The following FN1 variants were observed in gnomAD, a reference collection of about 807,000 sequenced individuals.
FN1 encodes the protein fibronectin.
FN1 carries 106 observed loss-of-function variants against 297.3 expected under a neutral mutation model. The ratio of observed to expected loss-of-function variants is 0.36; its 90% CI spans 0.30 to 0.42. The LOEUF is 0.42. Among genes scored for constraint, FN1 ranks in the 10% least tolerant of loss-of-function variants. The pLI is 1.00. For missense variants in FN1, 2,690 were observed against 3,124.9 expected (o/e 0.86, Z 3.32); for synonymous variants, 1,149 against 1,152.6 (o/e 1.00, Z 0.06).
chr2:215,395,976 C>T (rs868552269), intron 23 of FN1, among the ~76,000 whole-genome samples: 3 of 152,114 alleles, frequency 2.0e-5, no homozygotes, highest in Admixed American at 6.6e-5. Flanking sequence ...ACAATGTTTC[C>T]GCAGATAATG....
At chr2:215,370,668 T>G (rs1259231447) in intron 40 of FN1, 3 of 515,016 alleles carry the variant, frequency 5.8e-6, no homozygotes, top group Non-Finnish European at 1.0e-5. Flanking sequence ...TCTACCTACG[T>G]GCTCCGTAGT....
Position 215,372,033 on chromosome 2 carries a change from T to C in FN1, c.6590A>G (p.Asn2197Ser). 1.2e-6 allele frequency: 2 copies of C among 1,614,200 alleles called. No homozygotes were observed. ...TTCTTGTCCTGTAGAGGCATTTGGA[T>C]TGAGTCCCGGACCGTGTGGGTACAG... ...YHLYPHGPGLNPNASTGQEAL... is the reference protein window; with the variant it reads ...YHLYPHGPGLSPNASTGQEAL... Residue 2197 changes from asparagine (N) to serine (S), a missense_variant, in exon 40 of 46, where the codon AAT becomes AGT. Around this residue, in one of 3 missense-constraint regions of FN1, gnomAD observed 1,743 missense variants for 1,945.2 expected, o/e 0.90. Coordinates refer to ENST00000354785, the MANE Select transcript of FN1 (RefSeq NM_212482.4).
At chr2:215,424,479 G>A (rs1363601744) in intron 7 of FN1, among the ~76,000 whole-genome samples, 154 bp from the exon 8 acceptor site, 1 of 152,176 alleles carries the variant, frequency 6.6e-6, no homozygotes, top group African/African-American at 2.4e-5. Context: ...CAGTCAAAAT[G>A]CATTACTCAG....
chr2:215,367,791 C>T (rs1250196012), intron 42 of FN1, 72 bp downstream of exon 42: 2 of 1,484,012 alleles, frequency 1.3e-6, no homozygotes, highest in African/African-American at 2.8e-5. Flanking sequence ...AACATGCTTC[C>T]TTGGCACATG....
intron 31 of FN1, 38 bp downstream of exon 31, chr2:215,383,290 G>A (rs768970718): frequency 1.9e-6 from 3 of 1,609,434 alleles, no homozygotes; most frequent in African/African-American, 1.3e-5. Context: ...TTATAGGAGT[G>A]AGCCACCGCA....
At chr2:215,430,578 G>T in intron 5 of FN1, 137 bp downstream of exon 5, 1 of 973,864 alleles carries the variant, frequency 1.0e-6, no homozygotes, top group Non-Finnish European at 1.6e-6. Flanking sequence ...GGTTATGAAA[G>T]TTTTCTTGAC....
At chr2:215,391,507 T>C (rs1480277826) in intron 26 of FN1, 125 bp downstream of exon 26, 2 of 791,454 alleles carry the variant, frequency 2.5e-6, no homozygotes, top group Non-Finnish European at 4.5e-6. Context: ...GTGCATTGAA[T>C]TCAGAGTTTA....
intron 13 of FN1, among the ~76,000 whole-genome samples, chr2:215,414,155 C>T (rs897161242): frequency 4.9e-4 from 74 of 152,274 alleles, no homozygotes; most frequent in African/African-American, 1.5e-3. Context: ...AAATTATGAG[C>T]CATGAACTTT....
At chr2:215,412,977 T>A (rs1489267357) in intron 13 of FN1, among the ~76,000 whole-genome samples, 2 of 152,164 alleles carry the variant, frequency 1.3e-5, no homozygotes, top group Non-Finnish European at 2.9e-5. Flanking sequence ...TACATTCTTT[T>A]CAATGAGTCT....
Position 215,414,817 on chromosome 2 carries a change from T to C in FN1, c.1941+20A>G, listed in dbSNP as rs759727779. On this transcript the variant is annotated intron_variant, in intron 13 of 45. Transcript: ENST00000354785. ...AGATTAGGAGACTCAGTATCCAAGGTTTCTGGGTGGGATACTCACAGGTCT... is the reference window on the plus strand; with the variant it reads ...AGATTAGGAGACTCAGTATCCAAGGCTTCTGGGTGGGATACTCACAGGTCT... The C allele has an allele frequency of 6.2e-7, 1 of 1,613,702 alleles. No individual in the cohort carries two copies. Among genetic ancestry groups the C allele is most frequent in the Admixed American group, 1.7e-5 (1 of 59,996 alleles).
At chr2:215,383,516 C>A (rs1362001046) in intron 30 of FN1, 33 bp from the exon 31 acceptor site, 1 of 1,612,900 alleles carries the variant, frequency 6.2e-7, no homozygotes, top group Admixed American at 1.7e-5. Context: ...ACCAGTGAAG[C>A]CCCAGTCCTT....
At position 215,384,035 on chromosome 2, in the gene FN1, T is replaced by C. The variant is rs370180533; in HGVS notation, c.4879A>G (p.Ile1627Val). The change falls in exon 30 of 46, where the codon ATT (isoleucine) becomes GTT (valine). Residue 1627 changes from isoleucine (I) to valine (V), a missense_variant. Coordinates refer to ENST00000354785, the MANE Select transcript of FN1 (RefSeq NM_212482.4). ...AAGTTTGTACCTGTTCGGTAATTAA[T>C]GGAAATTGGCTTGCTGCTTGCGGGG... ...DSPASSKPIS[I>V]NYRTEIDKPS... 3.2e-5 allele frequency: 51 copies of C among 1,614,166 alleles called. No homozygotes were observed. Among genetic ancestry groups the C allele is most frequent in the Admixed American group, 6.7e-5 (4 of 60,022 alleles).
Position 215,435,680 on chromosome 2 carries a change from G to C in FN1, c.123C>G (p.Ser41=), listed in dbSNP as rs1375604976. The stretch of plus-strand genomic sequence containing the variant: ...GCTTGCTTTGACTGACAGCCACCGG[G>C]GACTGGGGCTGAACCATTTGCTGAG... ...RQAQQMVQPQ[S]PVAVSQSKPG... The change falls in exon 1 of 46, where the codon TCC becomes TCG. Residue 41 remains serine, a synonymous_variant. Coordinates refer to ENST00000354785, the MANE Select transcript of FN1 (RefSeq NM_212482.4). 6.2e-7 allele frequency: 1 copy of C among 1,613,500 alleles called. No homozygotes were observed. The highest frequency in any genetic ancestry group is 2.2e-5 in the East Asian group (1 of 44,870).
At chr2:215,407,986 C>T in intron 17 of FN1, 122 bp downstream of exon 17, 1 of 793,070 alleles carries the variant, frequency 1.3e-6, no homozygotes, top group Admixed American at 1.8e-5. Flanking sequence ...ACACAAACCC[C>T]TCTCCCATAA....
chr2:215,365,173 C>T (rs1477182916), intron 43 of FN1, among the ~76,000 whole-genome samples, 188 bp from the exon 44 acceptor site: 1 of 152,080 alleles, frequency 6.6e-6, no homozygotes, highest in African/African-American at 2.4e-5. Context: ...AAAATTAGAC[C>T]TAATACACTG....
chr2:215,401,436 GT>G (rs2061158500), intron 20 of FN1, among the ~76,000 whole-genome samples: 1 of 152,122 alleles, frequency 6.6e-6, no homozygotes, highest in South Asian at 2.1e-4. Flanking sequence ...ATGTAGAAAG[GT>G]AAGATCGCAG....
intron 32 of FN1, 62 bp from the exon 33 acceptor site, chr2:215,381,142 A>T: frequency 6.5e-7 from 1 of 1,545,606 alleles, no homozygotes; most frequent in Non-Finnish European, 8.9e-7. Context: ...AAGCATTTTT[A>T]TAACATGCAA....
chr2:215,433,218 T>C, intron 3 of FN1, 106 bp downstream of exon 3: 1 of 1,462,580 alleles, frequency 6.8e-7, no homozygotes, highest in South Asian at 1.1e-5. Flanking sequence ...GGGGCAAACC[T>C]CAAAGTTCGG....
chr2:215,408,685 G>A (rs1373902376), intron 15 of FN1, among the ~76,000 whole-genome samples: 3 of 151,846 alleles, frequency 2.0e-5, no homozygotes, highest in Non-Finnish European at 2.9e-5. Context: ...CTTCTGCCTC[G>A]GCCTCCCGAG....
Sources: gnomAD v4.1 joint callset for allele counts (sites outside exome capture counted in the v4.1 genomes callset) on GRCh38, gnomAD v4.1.1 for gene constraint, gnomAD v4.1.1 regional missense constraint, MANE v1.5 for transcripts, NCBI Gene and HGNC (gene_info 2026-07-23, HGNC 2026-07-21) for gene names.